Variants in SBF2 observed in about 807,000 individuals in gnomAD.
The protein encoded by SBF2 is SET binding factor 2.
A neutral mutation model predicts 225.2 loss-of-function variants in SBF2; 112 were observed. The ratio of observed to expected loss-of-function variants is 0.50; its 90% confidence interval spans 0.43 to 0.58. SBF2 has a LOEUF of 0.58. SBF2 is among the 20% of genes least tolerant of loss of function. SBF2 has a pLI of 0.00. For missense variants in SBF2, 1,996 were observed against 2,206.2 expected (o/e 0.90, Z 1.91); for synonymous variants, 763 against 773.3 (o/e 0.99, Z 0.22).
At chr11:9,940,953 G>A (rs1262600361) in intron 16 of SBF2, among the ~76,000 whole-genome samples, 1 of 152,160 alleles carries the variant, frequency 6.6e-6, no homozygotes, top group Non-Finnish European at 1.5e-5. Context: ...CATGTTCTTA[G>A]GAAATAATTA....
chr11:10,003,798 G>A (rs576143251), intron 6 of SBF2, among the ~76,000 whole-genome samples: 28 of 151,646 alleles, frequency 1.8e-4, no homozygotes, highest in African/African-American at 5.8e-4. Flanking sequence ...TAGAAAATAC[G>A]ATATACATAC....
At chr11:10,178,239 C>T (rs1297628693) in intron 2 of SBF2, among the ~76,000 whole-genome samples, 3 of 150,094 alleles carry the variant, frequency 2.0e-5, no homozygotes, top group African/African-American at 7.4e-5. Flanking sequence ...CCATAAAAAC[C>T]CTAGAAGAAA....
At position 10,042,851 on chromosome 11, in the gene SBF2, T is replaced by C. The variant is rs1206056257; in HGVS notation, c.272A>G (p.Asn91Ser). Residue 91 changes from asparagine to serine, a missense_variant, in exon 3 of 40, where the codon AAT (asparagine) becomes AGT (serine). By Grantham distance (46) the Asn-to-Ser change is conservative. Transcript: ENST00000256190. Reference protein sequence around the residue: ...SCLTFYEAEINLQGTKKEEIE... With the variant: ...SCLTFYEAEISLQGTKKEEIE... Reference sequence around the variant, plus strand: ...TAGTAAAGGTTTTTGTACCTGAAGATTGATCTCTGCCTCATAGAAGGTTAG... The same window carrying C: ...TAGTAAAGGTTTTTGTACCTGAAGACTGATCTCTGCCTCATAGAAGGTTAG... The C allele has an allele frequency of 1.2e-6, 2 of 1,614,042 alleles. No individual in the cohort carries two copies. Among genetic ancestry groups the C allele is most frequent in the South Asian group, 1.1e-5 (1 of 91,084 alleles).
At chr11:9,978,591 A>G (rs1342318547) in intron 13 of SBF2, among the ~76,000 whole-genome samples, 1 of 152,192 alleles carries the variant, frequency 6.6e-6, no homozygotes, top group African/African-American at 2.4e-5. Context: ...TTAAAGTGTC[A>G]ATTTTAAAGA....
intron 1 of SBF2, among the ~76,000 whole-genome samples, chr11:10,279,832 TAG>T (rs1367197846): frequency 6.6e-6 from 1 of 152,116 alleles, no homozygotes; most frequent in African/African-American, 2.4e-5. Flanking sequence ...GTATTGTTAG[TAG>T]AGACAGGGGT....
chr11:9,920,793 T>G (rs1281967640), intron 16 of SBF2, among the ~76,000 whole-genome samples: 3 of 152,096 alleles, frequency 2.0e-5, no homozygotes, highest in African/African-American at 7.2e-5. Flanking sequence ...TTTCAGAATG[T>G]CCAGGCACGA....
chr11:9,972,834 C>T (rs918430143), intron 13 of SBF2, among the ~76,000 whole-genome samples: 1 of 152,118 alleles, frequency 6.6e-6, no homozygotes, highest in Non-Finnish European at 1.5e-5. Flanking sequence ...ATATTGTAAA[C>T]CAAATCCATA....
rs116365852 is a variant in SBF2, at chr11:10,185,594, G to A, written c.141+8308C>T. Among the ~76,000 whole-genome samples the A allele has an allele frequency of 8.6e-3, 1,288 of 149,608 alleles. 13 individuals are homozygous for A. Among genetic ancestry groups the A allele is most frequent in the African/African-American group, 0.03 (1,212 of 40,902 alleles). ...CTCAGCCTCCCCAGTTGCTGGGACT[G>A]CAAATGTGAGCCACTGTGCTTGGCT... On this transcript the variant is annotated intron_variant, in intron 2 of 39. Coordinates refer to ENST00000256190, the MANE Select transcript of SBF2 (RefSeq NM_030962.4).
At chr11:10,199,802 C>A (rs1158534289) in intron 1 of SBF2, among the ~76,000 whole-genome samples, 1 of 150,998 alleles carries the variant, frequency 6.6e-6, no homozygotes, top group Non-Finnish European at 1.5e-5. Flanking sequence ...GTCCCAGCTA[C>A]TCAAGACTCA....
In SBF2 at chr11:9,998,398, TTAACCTA is replaced by T. The variant is rs1346207665; in HGVS notation, c.862-26_862-20del. 7.4e-7 allele frequency: 1 copy of T among 1,353,316 alleles called. No individual in the cohort carries two copies. The highest frequency in any genetic ancestry group is 1.4e-5 in the African/African-American group (1 of 69,660). 83.8% of individuals were successfully genotyped at this position (1,353,316 alleles called of 1,614,324 possible). On this transcript the variant is annotated intron_variant, in intron 8 of 39. Transcript: ENST00000256190. ...CATCTAACTGAAAGAGATAAAAAAA[TTAACCTA>T]TAATTACCAAAATACATTTGTTGTT...
chr11:9,975,539 ACT>A (rs1205847795), intron 13 of SBF2, among the ~76,000 whole-genome samples: 1 of 152,232 alleles, frequency 6.6e-6, no homozygotes, highest in East Asian at 1.9e-4. Context: ...TACTCTACCT[ACT>A]TATTGTGATG....
chr11:9,858,872 T>C (rs1857509438), intron 17 of SBF2, among the ~76,000 whole-genome samples: 1 of 152,162 alleles, frequency 6.6e-6, no homozygotes, highest in Non-Finnish European at 1.5e-5. Context: ...ATAGCATGAA[T>C]TAGGGACTCA....
intron 1 of SBF2, among the ~76,000 whole-genome samples, chr11:10,257,751 C>T (rs1960997177): frequency 1.3e-5 from 2 of 148,982 alleles, no homozygotes; most frequent in Non-Finnish European, 3.0e-5. Flanking sequence ...AATCCCAGCA[C>T]TTTGGGAGGC....
At chr11:10,095,256 C>G (rs1951970519) in intron 2 of SBF2, among the ~76,000 whole-genome samples, 1 of 152,022 alleles carries the variant, frequency 6.6e-6, no homozygotes, top group Admixed American at 6.6e-5. Flanking sequence ...AATAATATCA[C>G]CTTCAAGTTA....
intron 1 of SBF2, among the ~76,000 whole-genome samples, chr11:10,246,006 G>C (rs879600940): frequency 1.3e-5 from 2 of 152,146 alleles, no homozygotes; most frequent in Non-Finnish European, 2.9e-5. Flanking sequence ...ATTAGTCAAA[G>C]GGTATAAAGT....
intron 19 of SBF2, among the ~76,000 whole-genome samples, chr11:9,855,888 T>C (rs191226661): frequency 2.6e-5 from 4 of 152,320 alleles, no homozygotes; most frequent in Non-Finnish European, 5.9e-5. Context: ...GGCAGGAATA[T>C]GCTTGGAGTG....
At chr11:10,110,112 G>A (rs1565239878) in intron 2 of SBF2, among the ~76,000 whole-genome samples, 1 of 151,920 alleles carries the variant, frequency 6.6e-6, no homozygotes, top group Non-Finnish European at 1.5e-5. Flanking sequence ...ACATGTATGA[G>A]GAAAAATAAA....
At chr11:10,031,002 C>A in intron 4 of SBF2, 46 bp downstream of exon 4, 1 of 1,517,698 alleles carries the variant, frequency 6.6e-7, no homozygotes, top group South Asian at 1.1e-5. Context: ...ATTCAAGAGA[C>A]TCACACAATA....
At chr11:10,034,163 T>C (rs1949356657) in intron 3 of SBF2, among the ~76,000 whole-genome samples, 1 of 152,214 alleles carries the variant, frequency 6.6e-6, no homozygotes, top group African/African-American at 2.4e-5. Flanking sequence ...ATATCTCACA[T>C]TGACTTACAA....
Sources: gnomAD v4.1 joint callset for allele counts (sites outside exome capture counted in the v4.1 genomes callset) on GRCh38, gnomAD v4.1.1 for gene constraint, MANE v1.5 for transcripts, NCBI Gene and HGNC (gene_info 2026-07-23, HGNC 2026-07-21) for gene names.